N4BP2L2: variants seen among roughly 807,000 people sequenced by gnomAD.
The protein encoded by N4BP2L2 is NEDD4-binding protein 2-like 2.
A neutral mutation model predicts 56.2 loss-of-function variants in N4BP2L2; 50 were observed. The observed-to-expected ratio is 0.89, with a 90% confidence interval of 0.71 to 1.13. The LOEUF is 1.13. Among genes scored for constraint, N4BP2L2 ranks in the 50% most tolerant of loss-of-function variants. N4BP2L2 has a pLI of 0.00. For synonymous variants in N4BP2L2, 203 were observed against 223.6 expected (o/e 0.91, Z 0.82); for missense variants, 689 against 693.8 (o/e 0.99, Z 0.08).
chr13:32,498,501 C>T (rs2089275821), intron 6 of N4BP2L2, among the ~76,000 whole-genome samples: 1 of 151,536 alleles, frequency 6.6e-6, no homozygotes. Context: ...CATCACATGC[C>T]CAGCTAATTT....
At chr13:32,453,743 A>AT (rs2078496819) in intron 6 of N4BP2L2, among the ~76,000 whole-genome samples, 1 of 152,180 alleles carries the variant, frequency 6.6e-6, no homozygotes, top group Non-Finnish European at 1.5e-5. Context: ...CTCAGTACAG[A>AT]TTTTTAGTAC....
At chr13:32,450,570 C>G (rs1315943293) in intron 6 of N4BP2L2, among the ~76,000 whole-genome samples, 1 of 151,774 alleles carries the variant, frequency 6.6e-6, no homozygotes, top group African/African-American at 2.4e-5. Flanking sequence ...GTGATCTGCC[C>G]GCCTCGGCCT....
intron 6 of N4BP2L2, among the ~76,000 whole-genome samples, chr13:32,449,453 G>A (rs1347764775): frequency 6.6e-6 from 1 of 152,070 alleles, no homozygotes; most frequent in Admixed American, 6.6e-5. Flanking sequence ...TACAGATGTG[G>A]TTTATGCATG....
chr13:32,473,793 C>T (rs2082750067), intron 6 of N4BP2L2, among the ~76,000 whole-genome samples: 2 of 152,162 alleles, frequency 1.3e-5, no homozygotes, highest in South Asian at 4.1e-4. Flanking sequence ...TGTTTTTCTG[C>T]CTCTATCATC....
intron 6 of N4BP2L2, among the ~76,000 whole-genome samples, chr13:32,483,190 T>G (rs1452372168): frequency 6.6e-6 from 1 of 152,202 alleles, no homozygotes; most frequent in Non-Finnish European, 1.5e-5. Flanking sequence ...AATTCACAAC[T>G]AGTATTTTCA....
chr13:32,494,580 G>A (rs1365944520), intron 6 of N4BP2L2, among the ~76,000 whole-genome samples: 3 of 151,864 alleles, frequency 2.0e-5, no homozygotes, highest in Admixed American at 6.6e-5. Flanking sequence ...TGGCTAACAC[G>A]GTGAAACCCC....
chr13:32,530,736 T>C (rs1278594764), intron 2 of N4BP2L2, among the ~76,000 whole-genome samples: 1 of 152,018 alleles, frequency 6.6e-6, no homozygotes, highest in Admixed American at 6.6e-5. Flanking sequence ...ATAAAGCACC[T>C]CCTTGACCCC....
At position 32,492,273 on chromosome 13, in the gene N4BP2L2, A is replaced by ATTTTTTTTTTTTTTT. The variant is rs72053635; in HGVS notation, c.365+25569_365+25583dup. Among the ~76,000 whole-genome samples the ATTTTTTTTTTTTTTT allele has an allele frequency of 5.5e-5, 4 of 72,128 alleles. 1 individual carries two copies. Among genetic ancestry groups the ATTTTTTTTTTTTTTT allele is most frequent in the African/African-American group, 1.1e-4 (2 of 17,654 alleles). The allele number at this position is 72,128 out of a possible 152,430, so 47.3% of individuals were successfully genotyped here. A position where few individuals can be genotyped will look rare whatever the true frequency, so the allele number is the denominator to read the frequency against. ...TTTCTACACATCCCAAAACACCAAA[A>ATTTTTTTTTTTTTTT]TTTTTTTTTTTTTTTTTTTTTTTTT... On this transcript the variant is annotated intron_variant, in intron 6 of 9. Transcript: ENST00000357505.
At chr13:32,487,924 T>C (rs2086241978) in intron 6 of N4BP2L2, among the ~76,000 whole-genome samples, 1 of 152,000 alleles carries the variant, frequency 6.6e-6, no homozygotes, top group Admixed American at 6.6e-5. Context: ...AACAGTGCAA[T>C]ATTGGCTCAT....
chr13:32,460,723 G>GA (rs2079886716), intron 6 of N4BP2L2, among the ~76,000 whole-genome samples: 2 of 151,846 alleles, frequency 1.3e-5, no homozygotes, highest in African/African-American at 2.4e-5. Context: ...CAAAGAAATA[G>GA]AAAAAAATCA....
chr13:32,496,204 T>C (rs966464235), intron 6 of N4BP2L2, among the ~76,000 whole-genome samples: 2 of 134,128 alleles, frequency 1.5e-5, no homozygotes, highest in South Asian at 2.2e-4. Flanking sequence ...ACCTATTTTT[T>C]ATTTTTTTTT....
At chr13:32,468,671 T>C (rs2081697304) in intron 6 of N4BP2L2, among the ~76,000 whole-genome samples, 1 of 152,198 alleles carries the variant, frequency 6.6e-6, no homozygotes, top group Non-Finnish European at 1.5e-5. Flanking sequence ...TCGGTGAGTT[T>C]AGGGTGCAGG....
At chr13:32,462,484 G>A (rs991988185) in intron 6 of N4BP2L2, among the ~76,000 whole-genome samples, 1 of 152,108 alleles carries the variant, frequency 6.6e-6, no homozygotes, top group Non-Finnish European at 1.5e-5. Context: ...TGGATGAAGA[G>A]AGGTTGGTTA....
At chr13:32,526,560 T>G (rs901390277) in intron 3 of N4BP2L2, among the ~76,000 whole-genome samples, 7 of 152,124 alleles carry the variant, frequency 4.6e-5, no homozygotes, top group African/African-American at 1.7e-4. Flanking sequence ...GGGTGATGGG[T>G]CTATGAGGTT....
At chr13:32,434,597 C>A (rs1164663548) in intron 9 of N4BP2L2, among the ~76,000 whole-genome samples, 1 of 152,128 alleles carries the variant, frequency 6.6e-6, no homozygotes, top group East Asian at 1.9e-4. Context: ...AGTGCCATGA[C>A]ATTAAACACC....
At chr13:32,532,821 C>A (rs577855120) in intron 2 of N4BP2L2, among the ~76,000 whole-genome samples, 1 of 151,726 alleles carries the variant, frequency 6.6e-6, no homozygotes, top group East Asian at 1.9e-4. Flanking sequence ...GATCTCTTGA[C>A]CTCATGATCC....
exon 6 of N4BP2L2, chr13:32,513,420 T>C (rs1005805738): frequency 1.3e-5 from 2 of 152,170 alleles, no homozygotes; most frequent in African/African-American, 4.8e-5. Context: ...CTAAGGACTG[T>C]GTAAGAAGGA....
At position 32,480,169 on chromosome 13, in the gene N4BP2L2, A is replaced by G. The variant is rs146501453; in HGVS notation, c.366-36043T>C. ...TCACAGGAACAACAATTAGACTTCT[A>G]GCTGACTTCTTATCAGAAACAACTG... On this transcript the variant is annotated intron_variant, in intron 6 of 9. Transcript: ENST00000357505. 1.2e-3 allele frequency among the ~76,000 whole-genome samples: 187 copies of G among 152,374 alleles called. 1 individual carries two copies. Among genetic ancestry groups the G allele is most frequent in the Middle Eastern group, 6.8e-3 (2 of 294 alleles).
At chr13:32,442,879 T>C (rs2076573323) in exon 7 of N4BP2L2, 2 of 1,613,164 alleles carry the variant, frequency 1.2e-6, no homozygotes, top group East Asian at 4.5e-5. Flanking sequence ...CAATGGATGA[T>C]GATCAAAGGT....
Sources: allele counts gnomAD v4.1 joint callset (sites outside exome capture counted in the v4.1 genomes callset), GRCh38; gene constraint gnomAD v4.1.1; transcripts MANE v1.5; gene names NCBI Gene and HGNC (gene_info 2026-07-23, HGNC 2026-07-21).